ALK: variants seen among roughly 807,000 people sequenced by gnomAD.
The protein encoded by ALK is ALK tyrosine kinase receptor.
A neutral mutation model predicts 163.1 loss-of-function variants in ALK; 74 were observed. The observed-to-expected ratio is 0.45, with a 90% CI of 0.38 to 0.55. The LOEUF (loss-of-function observed/expected upper bound fraction) is 0.55. Ranked by LOEUF, ALK falls within the 20% of genes least tolerant of loss-of-function variation. The pLI, the probability that ALK is intolerant of heterozygous loss-of-function variation, is 0.00. For missense variants in ALK, 2,063 were observed against 2,105.3 expected (o/e 0.98, Z 0.39); for synonymous variants, 960 against 843.2 (o/e 1.14, Z -2.40).
chr2:29,831,609 T>C (rs1335569185), intron 1 of ALK, among the ~76,000 whole-genome samples: 1 of 152,184 alleles, frequency 6.6e-6, no homozygotes, highest in Non-Finnish European at 1.5e-5. Context: ...CACTATAATT[T>C]ACAACTTTTA....
chr2:29,488,909 C>G (rs1352767533), intron 4 of ALK, among the ~76,000 whole-genome samples: 2 of 152,172 alleles, frequency 1.3e-5, no homozygotes, highest in Non-Finnish European at 2.9e-5. Flanking sequence ...TATTAGCCAA[C>G]TCAGCACCAG....
chr2:29,230,459 AGT>A (rs768191788), intron 15 of ALK, among the ~76,000 whole-genome samples: 5 of 152,128 alleles, frequency 3.3e-5, no homozygotes, highest in Non-Finnish European at 7.4e-5. Flanking sequence ...CAGAAACAGC[AGT>A]GTGTGTGTCT....
At chr2:29,351,553 A>T (rs1019988323) in intron 5 of ALK, among the ~76,000 whole-genome samples, 19 of 152,218 alleles carry the variant, frequency 1.2e-4, no homozygotes, top group African/African-American at 4.6e-4. Context: ...GCCACGGGCA[A>T]CCAATTACTA....
rs73923624 is a variant in ALK at position 29,428,621 on chromosome 2, A to T, written c.1155-44762T>A. On this transcript the variant is annotated intron_variant, in intron 4 of 28. Transcript: ENST00000389048. ...TAACAAATAAAAAGATTAAATTAGT[A>T]ATTAAAGAAATTACCTACAAAGAAA... Among the ~76,000 whole-genome samples the T allele has an allele frequency of 2.0e-3, 310 of 152,134 alleles. 3 individuals carry two copies. Among genetic ancestry groups the T allele is most frequent in the African/African-American group, 6.4e-3 (266 of 41,578 alleles).
At chr2:29,258,619 G>T (rs1357933953) in intron 11 of ALK, among the ~76,000 whole-genome samples, 1 of 152,182 alleles carries the variant, frequency 6.6e-6, no homozygotes, top group Admixed American at 6.5e-5. Flanking sequence ...ACATTATTAT[G>T]AATCCATGAA....
chr2:29,367,950 T>C (rs1247033983), intron 5 of ALK, among the ~76,000 whole-genome samples: 1 of 152,262 alleles, frequency 6.6e-6, no homozygotes, highest in East Asian at 1.9e-4. Flanking sequence ...CCTACTCAGC[T>C]TTGTGTTTAT....
intron 3 of ALK, among the ~76,000 whole-genome samples, chr2:29,635,867 G>A (rs962806112): frequency 1.3e-5 from 2 of 151,744 alleles, no homozygotes; most frequent in African/African-American, 4.8e-5. Flanking sequence ...CTGACCTCAA[G>A]TAATCCACCC....
chr2:29,754,569 GGT>G (rs1229056032), intron 1 of ALK, among the ~76,000 whole-genome samples: 6 of 152,014 alleles, frequency 3.9e-5, no homozygotes, highest in Non-Finnish European at 5.9e-5. Flanking sequence ...GCATGCCTGT[GGT>G]CCCAGCTACA....
chr2:29,377,793 T>C (rs903213364), intron 5 of ALK, among the ~76,000 whole-genome samples: 3 of 152,314 alleles, frequency 2.0e-5, no homozygotes, highest in South Asian at 4.1e-4. Flanking sequence ...TCCATAATAA[T>C]GGGACTGCAT....
chr2:29,409,629 T>A (rs145858458), intron 4 of ALK, among the ~76,000 whole-genome samples: 152 of 152,310 alleles, frequency 1.0e-3, no homozygotes, highest in African/African-American at 2.7e-3. Flanking sequence ...TCCAGCCTTA[T>A]AATGATCACC....
At chr2:29,549,393 C>A (rs1419422696) in intron 3 of ALK, among the ~76,000 whole-genome samples, 3 of 152,098 alleles carry the variant, frequency 2.0e-5, no homozygotes, top group African/African-American at 7.2e-5. Context: ...ATTTGGACAG[C>A]GTTTTATGAT....
At chr2:29,886,529 G>A (rs1055862371) in intron 1 of ALK, among the ~76,000 whole-genome samples, 5 of 152,206 alleles carry the variant, frequency 3.3e-5, no homozygotes, top group African/African-American at 9.7e-5. Flanking sequence ...TCAGGCCTAT[G>A]GCCCCAGCCA....
intron 4 of ALK, among the ~76,000 whole-genome samples, chr2:29,421,521 T>G (rs1465919393): frequency 6.6e-6 from 1 of 151,494 alleles, no homozygotes; most frequent in Non-Finnish European, 1.5e-5. Flanking sequence ...CCATTTGATC[T>G]CTCTGAGCCT....
chr2:29,448,987 TTTACA>T (rs1256691798), intron 4 of ALK, among the ~76,000 whole-genome samples: 1 of 152,194 alleles, frequency 6.6e-6, no homozygotes, highest in Non-Finnish European at 1.5e-5. Context: ...ACCCCTCTAC[TTTACA>T]TTATTAAAAT....
At chr2:29,674,423 T>G (rs1459262949) in intron 3 of ALK, among the ~76,000 whole-genome samples, 3 of 151,352 alleles carry the variant, frequency 2.0e-5, no homozygotes, top group South Asian at 2.1e-4. Flanking sequence ...TCTGCATCTA[T>G]TGAGATAATC....
intron 5 of ALK, among the ~76,000 whole-genome samples, chr2:29,367,449 A>G (rs1466562551): frequency 6.6e-6 from 1 of 152,240 alleles, no homozygotes; most frequent in Admixed American, 6.5e-5. Flanking sequence ...AGACAAAGAA[A>G]TCCTTTAGAT....
chr2:29,761,599 G>C (rs1252638411), intron 1 of ALK, among the ~76,000 whole-genome samples: 1 of 152,228 alleles, frequency 6.6e-6, no homozygotes, highest in African/African-American at 2.4e-5. Flanking sequence ...TGGAATTTAA[G>C]CAAAGAATGC....
Position 29,839,477 on chromosome 2 carries a change from A to G in ALK, c.667+80516T>C, listed in dbSNP as rs77410263. Among the ~76,000 whole-genome samples, 21 of 152,294 alleles carry G rather than the reference A, an allele frequency of 1.4e-4. 1 individual carries two copies. In the East Asian group the frequency reaches 4.1e-3, roughly 29 times the overall value. ...TTCCAATTCAGACCAGCAAAGCATTAGGATAATTGCGGCAATTTTCTACAC... is the reference window on the plus strand; with the variant it reads ...TTCCAATTCAGACCAGCAAAGCATTGGGATAATTGCGGCAATTTTCTACAC... On this transcript the variant is annotated intron_variant, in intron 1 of 28. Transcript: ENST00000389048.
intron 5 of ALK, among the ~76,000 whole-genome samples, chr2:29,338,580 G>A (rs754654964): frequency 3.9e-5 from 6 of 152,170 alleles, no homozygotes; most frequent in East Asian, 1.9e-4. Context: ...AGAAAGACAC[G>A]CATCTCCCTC....
Sources: allele counts gnomAD v4.1 joint callset (sites outside exome capture counted in the v4.1 genomes callset), GRCh38; gene constraint gnomAD v4.1.1; transcripts MANE v1.5; gene names NCBI Gene and HGNC (gene_info 2026-07-23, HGNC 2026-07-21).